Variants in GALNT14 observed in about 807,000 individuals in gnomAD.
GALNT14 encodes the protein polypeptide N-acetylgalactosaminyltransferase 14.
In GALNT14, 60 loss-of-function variants were observed where a neutral mutation model predicts 77.5. The ratio of observed to expected loss-of-function variants is 0.77; its 90% CI spans 0.63 to 0.96. GALNT14 has a LOEUF of 0.96. Among genes scored for constraint, GALNT14 ranks in the 40% least tolerant of loss-of-function variants. The probability of loss-of-function intolerance (pLI) is 0.00; values close to 1 mark genes in which losing one functional copy is unlikely to be tolerated. For missense variants in GALNT14, 710 were observed against 731.0 expected, an observed-to-expected ratio of 0.97 and a Z score of 0.33; for synonymous variants, 280 against 281.7, an observed-to-expected ratio of 0.99 and a Z score of 0.06.
At chr2:30,926,867 G>A (rs374523620) in intron 11 of GALNT14, among the ~76,000 whole-genome samples, 1 of 152,136 alleles carries the variant, frequency 6.6e-6, no homozygotes, top group African/African-American at 2.4e-5. Flanking sequence ...GGAGAAAGGA[G>A]GGGAGTGGAG....
Position 30,929,502 on chromosome 2 carries a change from A to T in GALNT14, c.1059-15T>A, listed in dbSNP as rs187425984. The T allele has an allele frequency of 6.2e-7, 1 of 1,604,160 alleles. No individual in the cohort carries two copies. Among genetic ancestry groups the T allele is most frequent in the East Asian group, 2.2e-5 (1 of 44,780 alleles). On this transcript the variant is annotated splice_polypyrimidine_tract_variant and intron_variant, in intron 10 of 14. Transcript: ENST00000349752. The stretch of plus-strand genomic sequence containing the variant: ...GCTTGGTGTTCCTGGGAAAACAAGG[A>T]GTGACAAGGGGTGTCAGTAAGGGGC...
At chr2:30,992,460 G>A (rs895062937) in intron 2 of GALNT14, among the ~76,000 whole-genome samples, 10 of 152,158 alleles carry the variant, frequency 6.6e-5, no homozygotes, top group African/African-American at 2.2e-4. Context: ...CAATCATCCT[G>A]CCTTCCCCTA....
At chr2:31,099,318 G>A (rs1177275489) in intron 1 of GALNT14, among the ~76,000 whole-genome samples, 1 of 140,768 alleles carries the variant, frequency 7.1e-6, no homozygotes, top group Non-Finnish European at 1.5e-5. Flanking sequence ...CATTTTTATT[G>A]ACCCTTTGGA....
the GALNT14 span, among the ~76,000 whole-genome samples, chr2:30,895,651 C>T: frequency 6.6e-6 from 1 of 152,094 alleles, no homozygotes; most frequent in East Asian, 1.9e-4. Flanking sequence ...TTCCCCTTGT[C>T]CTGGCAGCCT....
intron 1 of GALNT14, among the ~76,000 whole-genome samples, chr2:31,016,912 AG>A (rs1671402774): frequency 6.6e-6 from 1 of 152,218 alleles, no homozygotes; most frequent in African/African-American, 2.4e-5. Flanking sequence ...GGCACACAAA[AG>A]GGATCACGAG....
At chr2:31,055,491 C>T (rs72854847) in intron 1 of GALNT14, among the ~76,000 whole-genome samples, 1,546 of 152,266 alleles carry the variant, frequency 0.01, 19 homozygotes, top group African/African-American at 0.035. Flanking sequence ...ACTGGGACTC[C>T]AGTTACTGGA....
intron 1 of GALNT14, among the ~76,000 whole-genome samples, chr2:31,075,209 GC>G (rs1434119585): frequency 6.6e-6 from 1 of 152,210 alleles, no homozygotes; most frequent in African/African-American, 2.4e-5. Context: ...TTTGCCTTCT[GC>G]CATGATTGGA....
At chr2:30,985,756 C>A (rs987613450) in intron 2 of GALNT14, among the ~76,000 whole-genome samples, 1 of 152,150 alleles carries the variant, frequency 6.6e-6, no homozygotes, top group African/African-American at 2.4e-5. Context: ...ACATGGGGGA[C>A]CAGAATGTCA....
chr2:31,048,070 C>T (rs192630444), intron 1 of GALNT14, among the ~76,000 whole-genome samples: 65 of 152,326 alleles, frequency 4.3e-4, no homozygotes, highest in Admixed American at 3.4e-3. Flanking sequence ...GCAGGTGAGA[C>T]GCTTCCAAAT....
chr2:31,080,817 C>T (rs1862979), intron 1 of GALNT14, among the ~76,000 whole-genome samples: 94,324 of 152,068 alleles, frequency 0.62, 30,306 homozygotes, highest in African/African-American at 0.8. Flanking sequence ...AATGCACTTA[C>T]GTTCTAGATC....
At chr2:30,974,866 G>T (rs375995167) in intron 2 of GALNT14, among the ~76,000 whole-genome samples, 1 of 152,164 alleles carries the variant, frequency 6.6e-6, no homozygotes, top group Non-Finnish European at 1.5e-5. Flanking sequence ...CTAGACATAC[G>T]ATAAATGTCT....
At chr2:30,920,346 G>C (rs1016937128) in intron 13 of GALNT14, among the ~76,000 whole-genome samples, 3 of 152,290 alleles carry the variant, frequency 2.0e-5, no homozygotes, top group South Asian at 2.1e-4. Flanking sequence ...TGGCCTCTCA[G>C]AGGCAAAAGA....
chr2:30,981,161 C>T lies in GALNT14; in HGVS notation c.299+11677G>A, dbSNP rs78492871. On this transcript the variant is annotated intron_variant, in intron 2 of 14. Transcript: ENST00000349752. ...GCACAGAGCCTCCTTGAAATTTCCT[C>T]AAGCCAATCCTACCAGCCCTATTTC... 8.5e-3 allele frequency among the ~76,000 whole-genome samples: 1,302 copies of T among 152,374 alleles called. 9 individuals are homozygous for T. The highest frequency in any genetic ancestry group is 0.031 in the Middle Eastern group (9 of 294).
At chr2:31,137,875 C>G in intron 1 of GALNT14, 83 bp downstream of exon 1, 1 of 1,515,144 alleles carries the variant, frequency 6.6e-7, no homozygotes, top group South Asian at 1.2e-5. Context: ...CCTGGTTTCC[C>G]GGGAGCCCGC....
intron 6 of GALNT14, among the ~76,000 whole-genome samples, chr2:30,947,955 A>G (rs1466728150): frequency 6.6e-6 from 1 of 152,202 alleles, no homozygotes; most frequent in African/African-American, 2.4e-5. Context: ...TGGTTCATTC[A>G]TAGTCAGCAC....
At chr2:30,996,141 C>T (rs951289847) in intron 1 of GALNT14, among the ~76,000 whole-genome samples, 2 of 152,108 alleles carry the variant, frequency 1.3e-5, no homozygotes, top group Admixed American at 6.5e-5. Flanking sequence ...GTAGACACAC[C>T]CAGAATAACA....
At chr2:30,887,291 C>G in the GALNT14 span, among the ~76,000 whole-genome samples, 1 of 152,096 alleles carries the variant, frequency 6.6e-6, no homozygotes, top group East Asian at 1.9e-4. Flanking sequence ...TTTTGAGAAA[C>G]CACCAAACTA....
intron 2 of GALNT14, among the ~76,000 whole-genome samples, chr2:30,987,363 G>GCAT (rs1669362851): frequency 6.6e-6 from 1 of 152,140 alleles, no homozygotes; most frequent in Non-Finnish European, 1.5e-5. Flanking sequence ...ACTGGATGTA[G>GCAT]CATCACTCAG....
At chr2:30,939,948 C>A (rs1356740051) in intron 9 of GALNT14, among the ~76,000 whole-genome samples, 1 of 151,070 alleles carries the variant, frequency 6.6e-6, no homozygotes, top group African/African-American at 2.4e-5. Context: ...ACACTGTCCA[C>A]GTGACACAGC....
Sources: allele counts gnomAD v4.1 joint callset (sites outside exome capture counted in the v4.1 genomes callset), GRCh38; gene constraint gnomAD v4.1.1; transcripts MANE v1.5; gene names NCBI Gene and HGNC (gene_info 2026-07-23, HGNC 2026-07-21).